Variants in CPNE8 observed in about 807,000 individuals in gnomAD.
CPNE8 encodes the protein copine 8.
Under a neutral mutation model 81.5 loss-of-function variants are expected in CPNE8, and 45 were observed. The observed-to-expected ratio is 0.55, with a 90% CI of 0.44 to 0.71. CPNE8 has a LOEUF of 0.71. Among genes scored for constraint, CPNE8 ranks in the 30% least tolerant of loss-of-function variants. The pLI is 0.00. For synonymous variants in CPNE8, 252 were observed against 226.3 expected (o/e 1.11, Z -1.02); for missense variants, 594 against 672.1 (o/e 0.88, Z 1.28).
chr12:38,896,542 C>A (rs1484823061), intron 1 of CPNE8, among the ~76,000 whole-genome samples: 2 of 152,074 alleles, frequency 1.3e-5, no homozygotes, highest in African/African-American at 4.8e-5. Context: ...CACAAAACAG[C>A]TGTCTTAAAT....
intron 3 of CPNE8, among the ~76,000 whole-genome samples, chr12:38,864,273 G>A (rs901361888): frequency 6.6e-6 from 1 of 152,058 alleles, no homozygotes; most frequent in East Asian, 1.9e-4. Flanking sequence ...GCTGGTTTTT[G>A]TAAGTTAAGT....
chr12:38,764,452 C>T (rs1941637192), intron 8 of CPNE8, among the ~76,000 whole-genome samples: 1 of 150,494 alleles, frequency 6.6e-6, no homozygotes, highest in Non-Finnish European at 1.5e-5. Flanking sequence ...CCCGTCTCTA[C>T]TAAAAATACA....
chr12:38,678,801 C>T (rs772215387), intron 16 of CPNE8, among the ~76,000 whole-genome samples: 51 of 151,974 alleles, frequency 3.4e-4, no homozygotes, highest in Non-Finnish European at 6.0e-4. Flanking sequence ...TGCTCAATCA[C>T]ACCCTGTAAG....
intron 19 of CPNE8, among the ~76,000 whole-genome samples, chr12:38,660,116 T>A (rs559656819): frequency 5.9e-5 from 9 of 152,194 alleles, no homozygotes; most frequent in Non-Finnish European, 1.0e-4. Context: ...AAAAACTACT[T>A]TAAAGTTCCT....
At position 38,787,299 on chromosome 12, in the gene CPNE8, G is replaced by T. The variant is rs113889892; in HGVS notation, c.408-10998C>A. 7.2e-3 allele frequency among the ~76,000 whole-genome samples: 1,095 copies of T among 151,708 alleles called. 11 individuals are homozygous for T. Among genetic ancestry groups the T allele is most frequent in the African/African-American group, 0.026 (1,066 of 41,414 alleles). On this transcript the variant is annotated intron_variant, in intron 6 of 19. Transcript: ENST00000331366. ...AATAAAACTAGATATCAACCACAAG[G>T]GGAATTTGAGAAAATATAGAAACAC... is the stretch of plus-strand genomic sequence containing the variant.
intron 6 of CPNE8, among the ~76,000 whole-genome samples, chr12:38,808,242 C>G (rs1436999750): frequency 6.6e-6 from 1 of 152,088 alleles, no homozygotes; most frequent in Non-Finnish European, 1.5e-5. Context: ...ACCCAGCCAT[C>G]CTATTACTGG....
At chr12:38,867,024 A>G (rs1204000474) in intron 3 of CPNE8, among the ~76,000 whole-genome samples, 2 of 151,962 alleles carry the variant, frequency 1.3e-5, no homozygotes, top group Non-Finnish European at 2.9e-5. Flanking sequence ...ACACTCTGCT[A>G]ATTTTTGTAT....
intron 6 of CPNE8, among the ~76,000 whole-genome samples, chr12:38,826,611 T>C (rs1009616696): frequency 6.6e-6 from 1 of 152,318 alleles, no homozygotes; most frequent in Non-Finnish European, 1.5e-5. Context: ...GAATTTATTT[T>C]TGCTGGTCAT....
chr12:38,829,699 C>A (rs1251061611), intron 5 of CPNE8, among the ~76,000 whole-genome samples: 2 of 152,072 alleles, frequency 1.3e-5, no homozygotes, highest in African/African-American at 2.4e-5. Flanking sequence ...CATTTGTTTT[C>A]TTTTTATGTT....
At chr12:38,765,140 T>A (rs947910446) in intron 8 of CPNE8, among the ~76,000 whole-genome samples, 13 of 152,248 alleles carry the variant, frequency 8.5e-5, no homozygotes, top group Admixed American at 5.2e-4. Flanking sequence ...TTCTCATTTC[T>A]AATGTATTAG....
At chr12:38,894,193 G>A (rs1375478097) in intron 1 of CPNE8, among the ~76,000 whole-genome samples, 2 of 152,118 alleles carry the variant, frequency 1.3e-5, no homozygotes, top group African/African-American at 4.8e-5. Context: ...TTGCTGAAGT[G>A]TTCCACAAGG....
At chr12:38,777,419 T>C (rs1008609100) in intron 6 of CPNE8, among the ~76,000 whole-genome samples, 3 of 152,180 alleles carry the variant, frequency 2.0e-5, no homozygotes, top group African/African-American at 7.2e-5. Context: ...TATTTTAAAG[T>C]AAAAACATTA....
At position 38,772,922 on chromosome 12, in the gene CPNE8, A is replaced by C. The variant is rs1941834817; in HGVS notation, c.471+3316T>G. On this transcript the variant is annotated intron_variant, in intron 7 of 19. Coordinates refer to ENST00000331366, the MANE Select transcript of CPNE8 (RefSeq NM_153634.3). ...CAGAAAATGTTTTATATATATATAA[A>C]ATTTATACACACACACACACACATA... is the stretch of plus-strand genomic sequence containing the variant. 1.6e-5 allele frequency among the ~76,000 whole-genome samples: 2 copies of C among 125,776 alleles called. 1 individual carries two copies. Among genetic ancestry groups the C allele is most frequent in the South Asian group, 5.7e-4 (2 of 3,510 alleles). The allele number at this position is 125,776 out of a possible 152,430, so 82.5% of individuals were successfully genotyped here. A position where few individuals can be genotyped will look rare whatever the true frequency, so the allele number is the denominator to read the frequency against.
intron 6 of CPNE8, among the ~76,000 whole-genome samples, chr12:38,820,061 A>G (rs1468140581): frequency 6.6e-6 from 1 of 152,202 alleles, no homozygotes; most frequent in East Asian, 1.9e-4. Flanking sequence ...GAAAGATTTT[A>G]TCACAATATA....
intron 6 of CPNE8, among the ~76,000 whole-genome samples, chr12:38,806,643 A>G (rs2136974460): frequency 6.9e-6 from 1 of 144,538 alleles, no homozygotes; most frequent in Non-Finnish European, 1.5e-5. Context: ...CACAGCCAAT[A>G]TCATACTGAA....
intron 6 of CPNE8, among the ~76,000 whole-genome samples, chr12:38,781,921 A>G (rs1404288018): frequency 6.6e-6 from 1 of 152,152 alleles, no homozygotes; most frequent in Non-Finnish European, 1.5e-5. Context: ...ATACAAAACA[A>G]GGAAAGACTA....
intron 9 of CPNE8, among the ~76,000 whole-genome samples, chr12:38,761,175 C>A (rs764222644): frequency 1.4e-4 from 21 of 152,208 alleles, no homozygotes; most frequent in Non-Finnish European, 2.4e-4. Flanking sequence ...GCACCCACTT[C>A]TCCGCTCTTG....
intron 4 of CPNE8, 34 bp downstream of exon 4, chr12:38,848,525 A>G (rs1299677290): frequency 6.5e-7 from 1 of 1,545,584 alleles, no homozygotes; most frequent in Admixed American, 2.3e-5. Flanking sequence ...TTTAAAATCA[A>G]ATTTTTCTAA....
intron 18 of CPNE8, among the ~76,000 whole-genome samples, chr12:38,671,285 A>T (rs1305680722): frequency 6.6e-6 from 1 of 152,168 alleles, no homozygotes; most frequent in African/African-American, 2.4e-5. Context: ...ACATACACAC[A>T]CACACGCATA....
Sources: gnomAD v4.1 joint callset for allele counts (sites outside exome capture counted in the v4.1 genomes callset) on GRCh38, gnomAD v4.1.1 for gene constraint, MANE v1.5 for transcripts, NCBI Gene and HGNC (gene_info 2026-07-23, HGNC 2026-07-21) for gene names.